Variants in BICRA observed in about 807,000 individuals in gnomAD.
The protein encoded by BICRA is BRD4-interacting chromatin-remodeling complex-associated protein.
A neutral mutation model predicts 96.9 loss-of-function variants in BICRA; 31 were observed. The ratio of observed to expected loss-of-function variants is 0.32; its 90% CI spans 0.24 to 0.43. BICRA has a LOEUF of 0.43. Ranked by LOEUF, BICRA falls within the 20% of genes least tolerant of loss-of-function variation. The pLI is 1.00. For missense variants in BICRA, 2,283 were observed against 2,190.3 expected (o/e 1.04, Z -0.84); for synonymous variants, 1,350 against 1,071.8 (o/e 1.26, Z -5.07).
chr19:47,692,719 T>G (rs1973259990), intron 7 of BICRA, among the ~76,000 whole-genome samples: 1 of 152,136 alleles, frequency 6.6e-6, no homozygotes, highest in Admixed American at 6.5e-5. Context: ...TTGGTTTGGT[T>G]TGGTTCTTTA....
In BICRA at chr19:47,701,578, C is replaced by T. The variant is rs975175840; in HGVS notation, c.3846C>T (p.Asp1282=). 1.9e-6 allele frequency: 3 copies of T among 1,553,760 alleles called. No homozygotes were observed. Among genetic ancestry groups the T allele is most frequent in the Non-Finnish European group, 2.6e-6 (3 of 1,149,480 alleles). Residue 1282 remains aspartate, a synonymous_variant, in exon 15 of 15, where the codon GAC becomes GAT. Coordinates refer to ENST00000594866, the MANE Select transcript of BICRA (RefSeq NM_001394372.1). This position sits in a 1 kb window ranked among gnomAD's most constrained non-coding sequence, Gnocchi z 5.4. ...CCTCCTCTGCCGCCTCCTCCTTGGA[C>T]GCCGACGAGGACGGCCCCATGCCCT... The part of the protein sequence containing the change: ...SSSSSAASSL[D]ADEDGPMPSR...
rs756290697 is a variant in BICRA at position 47,675,934 on chromosome 19, C to T, written c.150+18C>T. On this transcript the variant is annotated intron_variant, in intron 5 of 14. Transcript: ENST00000594866. This position sits in a 1 kb window ranked among gnomAD's most constrained non-coding sequence, Gnocchi z 4.7. Reference sequence around the variant, plus strand: ...GTCCTGGGGTAAGTGCCGTGGCTCCCGATCATTGCCTGAGCTGTTGGGGCT... The same window carrying T: ...GTCCTGGGGTAAGTGCCGTGGCTCCTGATCATTGCCTGAGCTGTTGGGGCT... 33 of 1,572,704 alleles carry T rather than the reference C, an allele frequency of 2.1e-5. No homozygotes were observed. Among genetic ancestry groups the T allele is most frequent in the African/African-American group, 6.8e-5 (5 of 74,004 alleles).
In BICRA at chr19:47,673,558, C is replaced by G; in HGVS notation, c.-5-12C>G. 6.2e-7 allele frequency: 1 copy of G among 1,610,044 alleles called. No individual in the cohort carries two copies. Among genetic ancestry groups the G allele is most frequent in the Non-Finnish European group, 8.5e-7 (1 of 1,176,358 alleles). On this transcript the variant is annotated splice_polypyrimidine_tract_variant and intron_variant, in intron 2 of 14. Transcript: ENST00000594866. The stretch of plus-strand genomic sequence containing the variant: ...GTCTCCCTCGCCCTCTTCCTGACCC[C>G]ACCCCATCCAGTGGCGATGGATGAT...
chr19:47,634,294 GA>G (rs1972266153), intron 1 of BICRA, among the ~76,000 whole-genome samples: 2 of 152,174 alleles, frequency 1.3e-5, no homozygotes. Context: ...GAGGAAGGGG[GA>G]AAGACATCAT....
intron 7 of BICRA, among the ~76,000 whole-genome samples, chr19:47,685,782 TGTGTGCGCGCGCGCGC>T (rs1973140695): frequency 8.0e-6 from 1 of 124,842 alleles, no homozygotes; most frequent in Admixed American, 8.3e-5. Context: ...TGTGTGTGTG[TGTGTGCGCGCGCGCGC>T]GCATGCGTAC....
chr19:47,635,013 T>C (rs972657597), intron 1 of BICRA, among the ~76,000 whole-genome samples: 3 of 152,024 alleles, frequency 2.0e-5, no homozygotes, highest in Non-Finnish European at 4.4e-5. Context: ...CCGCCCGCCT[T>C]GGCCTCCCAA....
At chr19:47,648,257 CCT>C (rs556560068) in intron 1 of BICRA, among the ~76,000 whole-genome samples, 262 of 151,970 alleles carry the variant, frequency 1.7e-3, no homozygotes, top group African/African-American at 6.0e-3. Flanking sequence ...CCTTTCACCT[CCT>C]CTCCCGCCTC....
rs139846634 is a variant in BICRA, at chr19:47,689,609, G to A, written c.2284-4506G>A. On this transcript the variant is annotated intron_variant, in intron 7 of 14. Transcript: ENST00000594866. Reference sequence around the variant, plus strand: ...GTATTTTTAGTAGAGACAGGGTTTCGCCATGTTGGCCAGGCTGGTCTTGAA... The same window carrying A: ...GTATTTTTAGTAGAGACAGGGTTTCACCATGTTGGCCAGGCTGGTCTTGAA... 9.9e-5 allele frequency among the ~76,000 whole-genome samples: 15 copies of A among 151,822 alleles called. No homozygotes were observed. In the East Asian group the frequency reaches 2.5e-3, roughly 26 times the overall value.
At chr19:47,629,459 T>C (rs574827252) in intron 1 of BICRA, among the ~76,000 whole-genome samples, 18 of 152,330 alleles carry the variant, frequency 1.2e-4, no homozygotes, top group African/African-American at 4.1e-4. Context: ...ATTTCACTTA[T>C]TGTATTGTCC....
intron 2 of BICRA, among the ~76,000 whole-genome samples, chr19:47,671,267 AG>A (rs1177204376): frequency 3.9e-5 from 6 of 152,134 alleles, no homozygotes; most frequent in African/African-American, 1.4e-4. Flanking sequence ...GGCCCCTGTT[AG>A]GGGAGTTCAG....
intron 2 of BICRA, among the ~76,000 whole-genome samples, chr19:47,671,869 G>T (rs535615767): frequency 7.3e-6 from 1 of 136,724 alleles, no homozygotes; most frequent in African/African-American, 2.7e-5. Flanking sequence ...AGGTAGATGA[G>T]TGGAAGGATG....
chr19:47,618,008 G>A (rs191308131), intron 1 of BICRA, among the ~76,000 whole-genome samples: 191 of 152,326 alleles, frequency 1.3e-3, no homozygotes, highest in Non-Finnish European at 2.2e-3. Flanking sequence ...GCAGCAGGGA[G>A]TGGGCTTTGA....
intron 1 of BICRA, among the ~76,000 whole-genome samples, chr19:47,637,937 C>T (rs936291037): frequency 5.9e-5 from 9 of 152,274 alleles, no homozygotes; most frequent in East Asian, 1.9e-4. Flanking sequence ...TCCATTCATC[C>T]GTGGATGGAC....
chr19:47,668,325 C>T (rs1972813151), intron 1 of BICRA, among the ~76,000 whole-genome samples: 1 of 152,164 alleles, frequency 6.6e-6, no homozygotes, highest in African/African-American at 2.4e-5. Flanking sequence ...CAAAACGGTG[C>T]TGATCATTTG....
At chr19:47,611,996 G>C (rs554658258) in intron 1 of BICRA, among the ~76,000 whole-genome samples, 3 of 151,714 alleles carry the variant, frequency 2.0e-5, no homozygotes, top group Non-Finnish European at 4.4e-5. Context: ...TCAGCGTCCC[G>C]AGTAGCTGGG....
Position 47,696,530 on chromosome 19 carries a change from C to T in BICRA, c.3248+18C>T, listed in dbSNP as rs769742310. The stretch of plus-strand genomic sequence containing the variant: ...GAAGCCTGGTGAGTCCACACCCCAT[C>T]CTTGCATGCCTGCCCTGTACCTTCC... On this transcript the variant is annotated intron_variant, in intron 11 of 14. Coordinates refer to ENST00000594866, the MANE Select transcript of BICRA (RefSeq NM_001394372.1). 1.9e-6 allele frequency: 3 copies of T among 1,587,690 alleles called. No individual in the cohort carries two copies. Among genetic ancestry groups the T allele is most frequent in the Non-Finnish European group, 2.6e-6 (3 of 1,166,968 alleles).
At chr19:47,608,934 A>AG (rs1971850810), upstream of BICRA, among the ~76,000 whole-genome samples, 1 of 134,472 alleles carries the variant, frequency 7.4e-6, no homozygotes, top group African/African-American at 2.7e-5. Context: ...ATTAAAAAAA[A>AG]TTTTTTTTTT....
rs765723943 is a variant in BICRA at position 47,701,536 on chromosome 19, GTCC to G, written c.3810_3812del (p.Ser1276del). On this transcript the variant is annotated inframe_deletion, in exon 15 of 15. Coordinates refer to ENST00000594866, the MANE Select transcript of BICRA (RefSeq NM_001394372.1). This position sits in a 1 kb window ranked among gnomAD's most constrained non-coding sequence, Gnocchi z 5.4. ...CCTGGGCCCGGGCGTCCTCCTCCCT[GTCC>G]TCCTCTTCCTCCTCCTCCTCTGCCG... 1.7e-5 allele frequency: 26 copies of G among 1,549,072 alleles called. No individual in the cohort carries two copies. In the East Asian group the frequency reaches 5.9e-4, roughly 35 times the overall value.
chr19:47,670,705 T>A (rs1972849925), intron 2 of BICRA, among the ~76,000 whole-genome samples, 161 bp downstream of exon 2: 1 of 152,258 alleles, frequency 6.6e-6, no homozygotes, highest in African/African-American at 2.4e-5. Flanking sequence ...CTGGGCCTCC[T>A]GGGTCATCTG....
Sources: gnomAD v4.1 joint callset for allele counts (sites outside exome capture counted in the v4.1 genomes callset) on GRCh38, gnomAD v4.1.1 for gene constraint, Gnocchi (gnomAD v3.1) non-coding constraint, MANE v1.5 for transcripts, NCBI Gene and HGNC (gene_info 2026-07-23, HGNC 2026-07-21) for gene names.